The following USH1C variants were observed in gnomAD, a reference collection of about 807,000 sequenced individuals.
USH1C encodes harmonin.
A neutral mutation model predicts 119.3 loss-of-function variants in USH1C; 90 were observed. That is an observed-to-expected ratio of 0.75 (90% CI 0.64 to 0.90). The LOEUF (loss-of-function observed/expected upper bound fraction) is 0.90. USH1C is among the 40% of genes least tolerant of loss of function. The pLI, the probability that USH1C is intolerant of heterozygous loss-of-function variation, is 0.00. For synonymous variants in USH1C, 465 were observed against 443.3 expected, an observed-to-expected ratio of 1.05 and a Z score of -0.62; for missense variants, 1,165 against 1,167.7, an observed-to-expected ratio of 1.00 and a Z score of 0.03.
chr11:17,541,789 C>T (rs1247091738), intron 1 of USH1C, among the ~76,000 whole-genome samples: 1 of 152,228 alleles, frequency 6.6e-6, no homozygotes, highest in Admixed American at 6.5e-5. Flanking sequence ...CTGCAGGTAT[C>T]AGCTGGAAAC....
intron 10 of USH1C, 76 bp from the exon 11 acceptor site, chr11:17,523,343 G>C: frequency 1.2e-6 from 2 of 1,613,168 alleles, no homozygotes; most frequent in Admixed American, 3.3e-5. Context: ...GAAGGCCCCA[G>C]GCTCCAGGGT....
intron 19 of USH1C, 127 bp downstream of exon 19, chr11:17,505,703 A>T: frequency 1.4e-6 from 2 of 1,395,352 alleles, no homozygotes; most frequent in South Asian, 1.3e-5. Flanking sequence ...TAAGAAGGTT[A>T]AGAGATGGCA....
At position 17,527,288 on chromosome 11, in the gene USH1C, G is replaced by A. The variant is rs773799306; in HGVS notation, c.431C>T (p.Ser144Phe). 1.9e-6 allele frequency: 3 copies of A among 1,613,226 alleles called. No individual in the cohort carries two copies. Among genetic ancestry groups the A allele is most frequent in the Non-Finnish European group, 8.5e-7 (1 of 1,179,822 alleles). ...GTTGATGACCTCCTCATGGGTACAGGAGGAGATGGAATATCCATTGATCCG... is the reference window on the plus strand; with the variant it reads ...GTTGATGACCTCCTCATGGGTACAGAAGGAGATGGAATATCCATTGATCCG... Reference protein sequence around the residue: ...IVRINGYSISSCTHEEVINLI... With the variant: ...IVRINGYSISFCTHEEVINLI... Residue 144 changes from serine (S) to phenylalanine (F), a missense_variant, in exon 5 of 27, where the codon TCC becomes TTC. Transcript: ENST00000005226.
rs755766185 is a variant in USH1C, at chr11:17,509,669, G to A, written c.1700C>T (p.Pro567Leu). 2 of 1,595,710 alleles carry A rather than the reference G, an allele frequency of 1.3e-6. No individual in the cohort carries two copies. The highest frequency in any genetic ancestry group is 3.4e-5 in the Admixed American group (2 of 58,872). ...CTTGTGGGGTGGGTTGGAGGGTGGA[G>A]GGTGGGGCATCACAGGCAAGGCAGA... The part of the protein sequence containing the change: ...TPSALPVMPH[P>L]PPSNPPHKVP... The change falls in exon 18 of 27, where the codon CCT (proline) becomes CTT (leucine). Residue 567 changes from proline (P) to leucine (L), a missense_variant. Pro to Leu is a moderately conservative substitution (Grantham distance 98). Coordinates refer to ENST00000005226, the MANE Select transcript of USH1C (RefSeq NM_153676.4).
chr11:17,505,784 G>C (rs750119611), intron 19 of USH1C, 46 bp downstream of exon 19: 3 of 1,613,044 alleles, frequency 1.9e-6, no homozygotes, highest in Non-Finnish European at 2.5e-6. Flanking sequence ...AGGTAGCCCT[G>C]GTCTGCTCCT....
intron 1 of USH1C, chr11:17,533,533 C>T (rs1201161535): frequency 3.9e-5 from 25 of 641,220 alleles, no homozygotes; most frequent in South Asian, 1.7e-4. Flanking sequence ...ACAGGAGTAC[C>T]GCTGCCCCTC....
chr11:17,502,048 G>A (rs1849467643), intron 20 of USH1C, 68 bp from the exon 21 acceptor site: 4 of 1,527,264 alleles, frequency 2.6e-6, no homozygotes. Context: ...CGAGGAGTAG[G>A]GGGATGAATG....
chr11:17,537,598 C>G (rs1173073914), intron 1 of USH1C, among the ~76,000 whole-genome samples: 1 of 152,152 alleles, frequency 6.6e-6, no homozygotes, highest in East Asian at 1.9e-4. Context: ...ACTTCCAATT[C>G]ATCACAAAAA....
intron 24 of USH1C, 95 bp from the exon 25 acceptor site, chr11:17,496,908 G>T (rs1849270623): frequency 6.8e-7 from 1 of 1,464,248 alleles, no homozygotes; most frequent in Non-Finnish European, 9.5e-7. Context: ...CATGGCCTAG[G>T]ATCAGCCAGG....
At chr11:17,522,327 C>T (rs1017289178) in intron 12 of USH1C, among the ~76,000 whole-genome samples, 9 of 152,146 alleles carry the variant, frequency 5.9e-5, no homozygotes, top group East Asian at 5.8e-4. Context: ...CCAGCTTGGC[C>T]ACGTGTGACG....
chr11:17,520,047 C>G (rs1320222042), intron 14 of USH1C, among the ~76,000 whole-genome samples: 4 of 152,218 alleles, frequency 2.6e-5, no homozygotes, highest in African/African-American at 9.6e-5. Flanking sequence ...AGGACCTGTC[C>G]TGTGTCAACT....
intron 1 of USH1C, among the ~76,000 whole-genome samples, chr11:17,543,984 G>A (rs1270027333): frequency 6.6e-6 from 1 of 152,204 alleles, no homozygotes; most frequent in African/African-American, 2.4e-5. Context: ...GGCCAAGACT[G>A]GAAGGAATTC....
rs761011557 is a variant in USH1C, at chr11:17,511,912, A to C, written c.1403T>G (p.Leu468Arg). 2.5e-6 allele frequency: 4 copies of C among 1,613,696 alleles called. No homozygotes were observed. Among genetic ancestry groups the C allele is most frequent in the Non-Finnish European group, 2.5e-6 (3 of 1,179,948 alleles). Reference sequence around the variant, plus strand: ...AGGCAGGACACATACCTCCTGGGCCAGCCGGTTGATCTTTAGCTGCTTTTC... The same window carrying C: ...AGGCAGGACACATACCTCCTGGGCCCGCCGGTTGATCTTTAGCTGCTTTTC... ...EKEKQLKINR[L>R]AQEVSETERE... The change falls in exon 16 of 27, where the codon CTG (leucine) becomes CGG (arginine). Residue 468 changes from leucine (L) to arginine (R), a missense_variant. Coordinates refer to ENST00000005226, the MANE Select transcript of USH1C (RefSeq NM_153676.4).
At position 17,524,488 on chromosome 11, in the gene USH1C, A is replaced by G. The variant is rs1365921969; in HGVS notation, c.722T>C (p.Val241Ala). ...IQKPGIFISH[V>A]KPGSLSAEVG... Reference sequence around the variant, plus strand: ...CTCAGCAGACAGGGAGCCAGGTTTCACATGGCTGATAAAGATGCCAGGCTT... The same window carrying G: ...CTCAGCAGACAGGGAGCCAGGTTTCGCATGGCTGATAAAGATGCCAGGCTT... Residue 241 changes from valine to alanine, a missense_variant, in exon 9 of 27, where the codon GTG becomes GCG. Physicochemically the swap from Val to Ala is moderately conservative, Grantham distance 64 (BLOSUM62 0). Transcript: ENST00000005226. 1.1e-5 allele frequency: 17 copies of G among 1,574,988 alleles called. No homozygotes were observed. The highest frequency in any genetic ancestry group is 1.4e-5 in the Non-Finnish European group (16 of 1,158,532).
At chr11:17,530,958 C>T (rs554576528) in intron 4 of USH1C, among the ~76,000 whole-genome samples, 196 bp downstream of exon 4, 1 of 152,334 alleles carries the variant, frequency 6.6e-6, no homozygotes, top group South Asian at 2.1e-4. Context: ...CAGCTTCACT[C>T]AAGAAAACAG....
chr11:17,509,903 C>T (rs958748522), intron 17 of USH1C, 65 bp from the exon 18 acceptor site: 20 of 1,522,436 alleles, frequency 1.3e-5, no homozygotes, highest in Admixed American at 8.9e-5. Flanking sequence ...CACAATACAG[C>T]GAGCACTATG....
chr11:17,511,446 G>A (rs1849886660), intron 16 of USH1C, among the ~76,000 whole-genome samples: 1 of 152,102 alleles, frequency 6.6e-6, no homozygotes, highest in African/African-American at 2.4e-5. Context: ...AAGGCAGAAG[G>A]GTTAGCCGCA....
intron 25 of USH1C, 92 bp downstream of exon 25, chr11:17,496,666 C>T: frequency 5.9e-6 from 9 of 1,521,652 alleles, no homozygotes; most frequent in Non-Finnish European, 8.2e-6. Context: ...TTCCTTCAGG[C>T]TGGGAGAAGG....
At position 17,511,909 on chromosome 11, in the gene USH1C, G is replaced by T; in HGVS notation, c.1406C>A (p.Ala469Asp). Residue 469 changes from alanine to aspartate, a missense_variant, in exon 16 of 27, where the codon GCC (alanine) becomes GAC (aspartate). Ala to Asp is a moderately radical substitution (Grantham distance 126). Coordinates refer to ENST00000005226, the MANE Select transcript of USH1C (RefSeq NM_153676.4). ...TGCAGGCAGGACACATACCTCCTGG[G>T]CCAGCCGGTTGATCTTTAGCTGCTT... ...KEKQLKINRLAQEVSETERED... is the reference protein window; with the variant it reads ...KEKQLKINRLDQEVSETERED... 1 of 1,613,704 alleles carries T rather than the reference G, an allele frequency of 6.2e-7. No homozygotes were observed. Among genetic ancestry groups the T allele is most frequent in the Non-Finnish European group, 8.5e-7 (1 of 1,179,904 alleles).
Sources: allele counts gnomAD v4.1 joint callset (sites outside exome capture counted in the v4.1 genomes callset), GRCh38; gene constraint gnomAD v4.1.1; transcripts MANE v1.5; gene names NCBI Gene and HGNC (gene_info 2026-07-23, HGNC 2026-07-21).